CACNA2D3: variants seen among roughly 807,000 people sequenced by gnomAD.
CACNA2D3 encodes voltage-dependent calcium channel subunit alpha-2/delta-3.
In CACNA2D3, 60 loss-of-function variants were observed where a neutral mutation model predicts 160.6. The ratio of observed to expected loss-of-function variants is 0.37; its 90% CI spans 0.30 to 0.46. The LOEUF (loss-of-function observed/expected upper bound fraction) is 0.46, where lower values mean the gene tolerates loss of function less well. CACNA2D3 is among the 20% of genes least tolerant of loss of function. CACNA2D3 has a pLI of 1.00. For synonymous variants in CACNA2D3, 558 were observed against 492.9 expected (o/e 1.13, Z -1.75); for missense variants, 1,205 against 1,365.0 (o/e 0.88, Z 1.85).
chr3:54,751,014 C>T (rs1344695429), intron 11 of CACNA2D3, among the ~76,000 whole-genome samples: 1 of 152,086 alleles, frequency 6.6e-6, no homozygotes, highest in African/African-American at 2.4e-5. Flanking sequence ...TCGTGATCTG[C>T]CCACCTCGGC....
At chr3:54,330,059 G>A (rs1704209696) in intron 3 of CACNA2D3, among the ~76,000 whole-genome samples, 1 of 152,200 alleles carries the variant, frequency 6.6e-6, no homozygotes, top group Admixed American at 6.5e-5. Flanking sequence ...GACAGCCCTT[G>A]CGAGTAATCA....
At chr3:54,366,366 C>T (rs1559461953) in intron 3 of CACNA2D3, among the ~76,000 whole-genome samples, 1 of 152,202 alleles carries the variant, frequency 6.6e-6, no homozygotes. Context: ...TCCCATTACT[C>T]TACACTTCAT....
At chr3:54,370,239 G>C (rs1467638649) in intron 3 of CACNA2D3, among the ~76,000 whole-genome samples, 3 of 152,180 alleles carry the variant, frequency 2.0e-5, no homozygotes. Flanking sequence ...CTAGAATTCT[G>C]CTAGATGCCA....
At chr3:54,175,387 C>T (rs113415581) in intron 2 of CACNA2D3, among the ~76,000 whole-genome samples, 2,513 of 151,924 alleles carry the variant, frequency 0.017, 21 homozygotes, top group Non-Finnish European at 0.022. Context: ...GAGACCGAGG[C>T]GGGCGGGTCA....
intron 11 of CACNA2D3, among the ~76,000 whole-genome samples, chr3:54,645,965 T>C (rs756871268): frequency 6.6e-6 from 1 of 152,030 alleles, no homozygotes; most frequent in Non-Finnish European, 1.5e-5. Flanking sequence ...GTTTATGTCC[T>C]GTGTAATCTC....
intron 27 of CACNA2D3, among the ~76,000 whole-genome samples, chr3:54,950,609 G>A (rs1308684417): frequency 6.6e-6 from 1 of 152,212 alleles, no homozygotes; most frequent in Non-Finnish European, 1.5e-5. Flanking sequence ...GCCAACAGGA[G>A]AGTGGACCTG....
chr3:54,765,739 T>TTC (rs1163686315), intron 13 of CACNA2D3, among the ~76,000 whole-genome samples: 1 of 152,150 alleles, frequency 6.6e-6, no homozygotes, highest in Non-Finnish European at 1.5e-5. Flanking sequence ...TAAGACACAG[T>TTC]TTCTACAATT....
At chr3:54,468,738 T>TG (rs1282057184) in intron 4 of CACNA2D3, among the ~76,000 whole-genome samples, 1 of 151,970 alleles carries the variant, frequency 6.6e-6, no homozygotes, top group African/African-American at 2.4e-5. Context: ...TCAAGCTTGG[T>TG]GGGGGGAGGT....
At chr3:54,221,787 A>T (rs112234338) in intron 2 of CACNA2D3, among the ~76,000 whole-genome samples, 14 of 152,198 alleles carry the variant, frequency 9.2e-5, no homozygotes, top group African/African-American at 3.4e-4. Flanking sequence ...CAAATAGTTG[A>T]TACATTATAT....
intron 2 of CACNA2D3, among the ~76,000 whole-genome samples, chr3:54,287,802 T>C: frequency 6.7e-6 from 1 of 149,270 alleles, no homozygotes; most frequent in Non-Finnish European, 1.5e-5. Flanking sequence ...GCATGGAAAC[T>C]GAACAACCTG....
At chr3:54,412,068 C>G (rs1699676403) in intron 4 of CACNA2D3, among the ~76,000 whole-genome samples, 1 of 152,106 alleles carries the variant, frequency 6.6e-6, no homozygotes, top group Non-Finnish European at 1.5e-5. Context: ...TTTATATATT[C>G]TTGAACTTTA....
chr3:54,960,689 CCCTT>C (rs1391575315), intron 27 of CACNA2D3, among the ~76,000 whole-genome samples: 29 of 152,214 alleles, frequency 1.9e-4, no homozygotes, highest in Admixed American at 1.9e-3. Flanking sequence ...CAGCTGCCTT[CCCTT>C]CCTTCCCCCT....
intron 4 of CACNA2D3, among the ~76,000 whole-genome samples, chr3:54,394,667 T>C (rs1184625522): frequency 8.7e-6 from 1 of 115,566 alleles, no homozygotes; most frequent in Admixed American, 9.6e-5. Flanking sequence ...GGCTGTATAG[T>C]ATTCCATGGT....
chr3:54,581,716 TG>T lies in CACNA2D3; in HGVS notation c.889-86del. 3 of 1,062,322 alleles carry T rather than the reference TG, an allele frequency of 2.8e-6. 1 individual carries two copies. The highest frequency in any genetic ancestry group is 2.8e-5 in the South Asian group (2 of 71,438). The allele number at this position is 1,062,322 out of a possible 1,614,324, so 65.8% of individuals were successfully genotyped here. ...GGAGCCTGTGATTGTGCCGCTTTTT[TG>T]TTTGTGTGCGTACCTCCTTAAATTA... On this transcript the variant is annotated intron_variant, in intron 8 of 37. Transcript: ENST00000474759.
intron 9 of CACNA2D3, among the ~76,000 whole-genome samples, chr3:54,593,180 A>AG (rs1273369348): frequency 1.3e-5 from 2 of 152,326 alleles, no homozygotes; most frequent in East Asian, 3.9e-4. Context: ...ACTTACATAG[A>AG]GAAAAATTGA....
chr3:54,153,281 A>G (rs993881985), intron 2 of CACNA2D3, among the ~76,000 whole-genome samples: 9 of 152,234 alleles, frequency 5.9e-5, no homozygotes, highest in Admixed American at 5.9e-4. Flanking sequence ...GATAGAGGAA[A>G]AAGTCAATGT....
At chr3:54,985,551 AC>A (rs1702596432) in intron 30 of CACNA2D3, among the ~76,000 whole-genome samples, 1 of 152,228 alleles carries the variant, frequency 6.6e-6, no homozygotes, top group Non-Finnish European at 1.5e-5. Context: ...AAGTTCCTTA[AC>A]TTGTCTAGAC....
At chr3:54,745,480 C>G (rs1701738248) in intron 11 of CACNA2D3, among the ~76,000 whole-genome samples, 1 of 152,198 alleles carries the variant, frequency 6.6e-6, no homozygotes, top group Non-Finnish European at 1.5e-5. Context: ...GGGAGTCCCT[C>G]CAAGGTCATA....
rs117800766 is a variant in CACNA2D3, at chr3:54,453,018, G to T, written c.382-50474G>T. ...CTTTCTCCTCTTTCTTTCTGACAGG[G>T]TCCCTCTCTGTCACCCAAGCTGGAG... On this transcript the variant is annotated intron_variant, in intron 4 of 37. Coordinates refer to ENST00000474759, the MANE Select transcript of CACNA2D3 (RefSeq NM_018398.3). 5.3e-3 allele frequency among the ~76,000 whole-genome samples: 799 copies of T among 150,592 alleles called. 28 individuals are homozygous for T. Among genetic ancestry groups the T allele is most frequent in the Admixed American group, 0.044 (668 of 15,114 alleles).
Sources: gnomAD v4.1 joint callset for allele counts (sites outside exome capture counted in the v4.1 genomes callset) on GRCh38, gnomAD v4.1.1 for gene constraint, MANE v1.5 for transcripts, NCBI Gene and HGNC (gene_info 2026-07-23, HGNC 2026-07-21) for gene names.